DOCK3: variants seen among roughly 807,000 people sequenced by gnomAD.
The protein encoded by DOCK3 is dedicator of cytokinesis protein 3.
In DOCK3, 60 loss-of-function variants were observed where a neutral mutation model predicts 265.6. The observed-to-expected ratio is 0.23, with a 90% CI of 0.18 to 0.28. The LOEUF is 0.28. Ranked by LOEUF, DOCK3 falls within the 10% of genes least tolerant of loss-of-function variation. DOCK3 has a pLI of 1.00. For synonymous variants in DOCK3, 881 were observed against 938.0 expected, an observed-to-expected ratio of 0.94 and a Z score of 1.11; for missense variants, 1,981 against 2,594.3, an observed-to-expected ratio of 0.76 and a Z score of 5.14.
chr3:51,331,791 C>CA (rs1376622452), intron 33 of DOCK3, among the ~76,000 whole-genome samples: 3 of 151,818 alleles, frequency 2.0e-5, no homozygotes, highest in Non-Finnish European at 4.4e-5. Context: ...GACCCCATCT[C>CA]AAAAAAGAAA....
At chr3:51,154,550 A>G (rs538297297) in intron 10 of DOCK3, among the ~76,000 whole-genome samples, 16 of 152,238 alleles carry the variant, frequency 1.1e-4, no homozygotes, top group Non-Finnish European at 2.2e-4. Flanking sequence ...AAACAGAATT[A>G]GTAAGAGACA....
intron 10 of DOCK3, among the ~76,000 whole-genome samples, chr3:51,151,279 T>A (rs1022833276): frequency 2.4e-4 from 36 of 152,198 alleles, no homozygotes; most frequent in African/African-American, 8.2e-4. Context: ...TGCCAGTCTG[T>A]GTCTTTTAAT....
At chr3:51,326,572 G>T (rs142914971) in intron 32 of DOCK3, among the ~76,000 whole-genome samples, 1 of 148,088 alleles carries the variant, frequency 6.8e-6, no homozygotes, top group Non-Finnish European at 1.5e-5. Flanking sequence ...GAGCCCCCAC[G>T]CCTGGCATGT....
chr3:51,069,772 G>A (rs1021819339), intron 6 of DOCK3, among the ~76,000 whole-genome samples: 37 of 152,200 alleles, frequency 2.4e-4, no homozygotes, highest in East Asian at 1.3e-3. Context: ...AGATACACAA[G>A]CAGTAGTTTA....
At chr3:51,036,040 A>G (rs2080248974) in intron 5 of DOCK3, among the ~76,000 whole-genome samples, 1 of 152,212 alleles carries the variant, frequency 6.6e-6, no homozygotes, top group Non-Finnish European at 1.5e-5. Flanking sequence ...TGAAGACAGT[A>G]GATGTCCTTA....
intron 22 of DOCK3, among the ~76,000 whole-genome samples, chr3:51,259,891 G>T (rs2108756581): frequency 6.6e-6 from 1 of 152,160 alleles, no homozygotes; most frequent in African/African-American, 2.4e-5. Flanking sequence ...AACAGTCTAT[G>T]GCTCCTTAAT....
At chr3:50,751,960 A>G (rs990203954) in intron 1 of DOCK3, among the ~76,000 whole-genome samples, 6 of 152,116 alleles carry the variant, frequency 3.9e-5, no homozygotes, top group African/African-American at 1.2e-4. Flanking sequence ...AGCCACCCCC[A>G]TGATCCAATC....
At chr3:50,676,309 C>A (rs1363539179) in intron 1 of DOCK3, among the ~76,000 whole-genome samples, 1 of 152,176 alleles carries the variant, frequency 6.6e-6, no homozygotes, top group Non-Finnish European at 1.5e-5. Context: ...TGCTATCAGG[C>A]AGGTTATCGT....
chr3:51,072,482 C>T (rs1231416628), intron 6 of DOCK3, among the ~76,000 whole-genome samples: 2 of 151,684 alleles, frequency 1.3e-5, no homozygotes, highest in African/African-American at 4.8e-5. Context: ...ATTTTTAGCT[C>T]ACTGCAACCA....
rs1315272562 is a variant in DOCK3 at position 51,360,536 on chromosome 3, G to A, written c.4910G>A (p.Ser1637Asn). 1 of 1,612,358 alleles carries A rather than the reference G, an allele frequency of 6.2e-7. No homozygotes were observed. Among genetic ancestry groups the A allele is most frequent in the Non-Finnish European group, 8.5e-7 (1 of 1,179,198 alleles). ...YHEFPGLDKL[S>N]PACSGTSTPR... is the part of the protein sequence containing the mutation. ...GAGTTTCCAGGTTTGGATAAGCTAAGTCCTGCATGTTCAGGCACCAGCACC... is the reference window on the plus strand; with the variant it reads ...GAGTTTCCAGGTTTGGATAAGCTAAATCCTGCATGTTCAGGCACCAGCACC... The change falls in exon 47 of 53, where the codon AGT (serine) becomes AAT (asparagine). Residue 1637 changes from serine (S) to asparagine (N), a missense_variant. Physicochemically the swap from Ser to Asn is conservative, Grantham distance 46. Around this residue, in one of 4 missense-constraint regions of DOCK3, gnomAD observed 1,357 missense variants for 1,866.8 expected, o/e 0.73. Coordinates refer to ENST00000266037, the MANE Select transcript of DOCK3 (RefSeq NM_004947.5).
chr3:51,211,865 G>T (rs1480631176), intron 13 of DOCK3, among the ~76,000 whole-genome samples: 2 of 152,170 alleles, frequency 1.3e-5, no homozygotes, highest in African/African-American at 4.8e-5. Flanking sequence ...TAATCCTTTG[G>T]GTATGTACCC....
chr3:50,979,488 G>C (rs991524306), intron 5 of DOCK3, among the ~76,000 whole-genome samples: 1 of 152,092 alleles, frequency 6.6e-6, no homozygotes, highest in Non-Finnish European at 1.5e-5. Context: ...AGCTCTGGGT[G>C]TTAAAGAGTC....
chr3:51,103,949 GAGTA>G (rs2083179757), intron 9 of DOCK3, among the ~76,000 whole-genome samples: 1 of 152,174 alleles, frequency 6.6e-6, no homozygotes, highest in Non-Finnish European at 1.5e-5. Context: ...AAAACAGGAT[GAGTA>G]AGTAAAATAT....
At chr3:51,132,606 C>T (rs767375294) in intron 9 of DOCK3, among the ~76,000 whole-genome samples, 1 of 152,216 alleles carries the variant, frequency 6.6e-6, no homozygotes, top group African/African-American at 2.4e-5. Context: ...GTCCACCAAA[C>T]TTAGGAGCGA....
intron 1 of DOCK3, among the ~76,000 whole-genome samples, chr3:50,757,359 G>A (rs771269606): frequency 1.9e-4 from 28 of 150,972 alleles, no homozygotes; most frequent in Non-Finnish European, 4.0e-4. Flanking sequence ...TTTAGTAGAG[G>A]CAGGATTTCA....
At position 50,804,291 on chromosome 3, in the gene DOCK3, A is replaced by T. The variant is rs554193943; in HGVS notation, c.121+25533A>T. Among the ~76,000 whole-genome samples the T allele has an allele frequency of 2.6e-5, 4 of 151,620 alleles. No homozygotes were observed. The South Asian group carries it at 8.3e-4, about 32-fold the overall frequency. ...GGCAGAGGGGCTCCTCACATCCCAGACGATGGGTGGCCAGGCAGAGACGCT... is the reference window on the plus strand; with the variant it reads ...GGCAGAGGGGCTCCTCACATCCCAGTCGATGGGTGGCCAGGCAGAGACGCT... On this transcript the variant is annotated intron_variant, in intron 2 of 52. Coordinates refer to ENST00000266037, the MANE Select transcript of DOCK3 (RefSeq NM_004947.5).
chr3:51,336,926 C>T (rs1056207018), intron 35 of DOCK3: 22 of 455,620 alleles, frequency 4.8e-5, no homozygotes, highest in African/African-American at 4.2e-4. Context: ...GGCCAACTTA[C>T]TGGGGAGACA....
At chr3:51,000,488 C>G (rs577320499) in intron 5 of DOCK3, among the ~76,000 whole-genome samples, 1 of 152,264 alleles carries the variant, frequency 6.6e-6, no homozygotes, top group African/African-American at 2.4e-5. Context: ...AGGCCTAGGA[C>G]AAGGGCAAAT....
At chr3:50,833,647 G>T (rs1022335694) in intron 2 of DOCK3, among the ~76,000 whole-genome samples, 6 of 152,088 alleles carry the variant, frequency 3.9e-5, no homozygotes, top group Non-Finnish European at 8.8e-5. Flanking sequence ...CTGGAATCTT[G>T]TACAGGGACT....
Sources: gnomAD v4.1 joint callset for allele counts (sites outside exome capture counted in the v4.1 genomes callset) on GRCh38, gnomAD v4.1.1 for gene constraint, gnomAD v4.1.1 regional missense constraint, MANE v1.5 for transcripts, NCBI Gene and HGNC (gene_info 2026-07-23, HGNC 2026-07-21) for gene names.